Variants in CEP41 observed in about 807,000 individuals in gnomAD.
The protein encoded by CEP41 is centrosomal protein of 41 kDa.
A neutral mutation model predicts 44.3 loss-of-function variants in CEP41; 32 were observed. That is an observed-to-expected ratio of 0.72 (90% CI 0.54 to 0.97). The LOEUF is 0.97. Ranked by LOEUF, CEP41 falls within the 50% of genes least tolerant of loss-of-function variation. The probability of loss-of-function intolerance (pLI) is 0.00; values close to 1 mark genes in which losing one functional copy is unlikely to be tolerated. For missense variants in CEP41, 432 were observed against 455.2 expected, an observed-to-expected ratio of 0.95 and a Z score of 0.46; for synonymous variants, 151 against 168.5, an observed-to-expected ratio of 0.90 and a Z score of 0.80.
chr7:130,421,717 T>C, intron 2 of CEP41: 1 of 1,168,568 alleles, frequency 8.6e-7, no homozygotes, highest in Non-Finnish European at 1.1e-6. Context: ...CTACAGAATT[T>C]CAGAAAGCTA....
intron 5 of CEP41, among the ~76,000 whole-genome samples, chr7:130,410,029 C>CTTTTTTTTTTTTTCT (rs1562983289): frequency 1.4e-5 from 2 of 139,924 alleles, no homozygotes; most frequent in East Asian, 2.1e-4. Context: ...CCTCGGTCTT[C>CTTTTTTTTTTTTTCT]TTTTTTTTTT....
Position 130,407,253 on chromosome 7 carries a change from AACACACACACAC to A in CEP41, c.278-2557_278-2546del, listed in dbSNP as rs60030288. Among the ~76,000 whole-genome samples, 194 of 129,394 alleles carry A rather than the reference AACACACACACAC, an allele frequency of 1.5e-3. 1 individual carries two copies. The highest frequency in any genetic ancestry group is 4.9e-3 in the African/African-American group (174 of 35,256). 84.9% of individuals were successfully genotyped at this position (129,394 alleles called of 152,430 possible). A position where few individuals can be genotyped will look rare whatever the true frequency, so the allele number is the denominator to read the frequency against. On this transcript the variant is annotated intron_variant, in intron 5 of 10. Coordinates refer to ENST00000223208, the MANE Select transcript of CEP41 (RefSeq NM_018718.3). ...AAGGATTTAAAAAATAACAAGAGTA[AACACACACACAC>A]ACACACACACACACACACACACACA...
chr7:130,411,969 T>C, intron 4 of CEP41: 1 of 524,186 alleles, frequency 1.9e-6, no homozygotes, highest in Non-Finnish European at 3.4e-6. Context: ...ATTTACTTTA[T>C]AGAATTCTTA....
intron 1 of CEP41, among the ~76,000 whole-genome samples, chr7:130,428,860 G>A (rs1417346172): frequency 1.3e-5 from 2 of 151,728 alleles, no homozygotes; most frequent in Non-Finnish European, 2.9e-5. Flanking sequence ...GCGGTGAGCG[G>A]AGATCGTGCC....
chr7:130,432,837 G>A (rs965773730), intron 1 of CEP41, among the ~76,000 whole-genome samples: 6 of 152,144 alleles, frequency 3.9e-5, no homozygotes, highest in Admixed American at 2.6e-4. Flanking sequence ...ACCTGGGCTA[G>A]AAAAAAACAA....
intron 1 of CEP41, among the ~76,000 whole-genome samples, chr7:130,436,537 A>G (rs1481207300): frequency 6.6e-6 from 1 of 152,222 alleles, no homozygotes; most frequent in Non-Finnish European, 1.5e-5. Flanking sequence ...AGAACTATAC[A>G]TACATTGTGC....
intron 1 of CEP41, among the ~76,000 whole-genome samples, chr7:130,431,000 C>T (rs1797806691): frequency 6.6e-6 from 1 of 152,072 alleles, no homozygotes; most frequent in Admixed American, 6.6e-5. Flanking sequence ...TTCCCGCCCC[C>T]GGTTTTTCCT....
rs187634996 is a variant in CEP41, at chr7:130,406,964, A to G, written c.278-2256T>C. Among the ~76,000 whole-genome samples, 111 of 151,834 alleles carry G rather than the reference A, an allele frequency of 7.3e-4. 1 individual carries two copies. The East Asian group carries it at 0.021, about 29-fold the overall frequency. On this transcript the variant is annotated intron_variant, in intron 5 of 10. Coordinates refer to ENST00000223208, the MANE Select transcript of CEP41 (RefSeq NM_018718.3). ...GCACATGTACCCTAGAACTTAAAGTATAATAAAAAAAAGTATATAAAAAAT... is the reference window on the plus strand; with the variant it reads ...GCACATGTACCCTAGAACTTAAAGTGTAATAAAAAAAAGTATATAAAAAAT...
At chr7:130,426,684 T>C (rs1554423604) in intron 2 of CEP41, 1 of 455,906 alleles carries the variant, frequency 2.2e-6, no homozygotes, top group Middle Eastern at 3.3e-4. Context: ...AGGGGTTAGA[T>C]GGGTAGAGAT....
At chr7:130,400,844 T>C in intron 8 of CEP41, 23 bp from the exon 9 acceptor site, 1 of 1,493,642 alleles carries the variant, frequency 6.7e-7, no homozygotes, top group Non-Finnish European at 9.3e-7. Flanking sequence ...TGAGTTAAGG[T>C]TCCAAGGCAC....
chr7:130,424,572 C>T (rs905046526), intron 2 of CEP41, among the ~76,000 whole-genome samples: 2 of 152,076 alleles, frequency 1.3e-5, no homozygotes, highest in South Asian at 4.1e-4. Context: ...ATATGCCCAA[C>T]TGATTTTTGA....
chr7:130,399,271 T>A, intron 10 of CEP41: 1 of 564,902 alleles, frequency 1.8e-6, no homozygotes, highest in Non-Finnish European at 3.2e-6. Context: ...TTTTTTCCCT[T>A]CCTCTCCAAC....
chr7:130,433,542 G>A (rs1308251847), intron 1 of CEP41, among the ~76,000 whole-genome samples: 4 of 152,152 alleles, frequency 2.6e-5, no homozygotes, highest in African/African-American at 9.7e-5. Flanking sequence ...GAAAGTTCCT[G>A]TTTGTGGTAT....
intron 10 of CEP41, chr7:130,399,810 ACT>A (rs1414318579): frequency 1.3e-5 from 5 of 392,798 alleles, no homozygotes; most frequent in East Asian, 4.8e-5. Context: ...ACAGAGCAAG[ACT>A]CTGTCTCAAA....
Position 130,397,607 on chromosome 7 carries a change from T to C in CEP41, c.*1284A>G, listed in dbSNP as rs376297063. 1.7e-4 allele frequency: 75 copies of C among 448,814 alleles called. No individual in the cohort carries two copies. In the East Asian group the frequency reaches 2.1e-3, roughly 13 times the overall value. The allele number at this position is 448,814 out of a possible 1,614,324, so 27.8% of individuals were successfully genotyped here. Reference sequence around the variant, plus strand: ...TACCAGCAGGACAGGCAATTTTCAGTGGGCTTTTCAGAAGCTGGTTGCCAT... The same window carrying C: ...TACCAGCAGGACAGGCAATTTTCAGCGGGCTTTTCAGAAGCTGGTTGCCAT... On this transcript the variant is annotated 3_prime_UTR_variant, in exon 11 of 11. Coordinates refer to ENST00000223208, the MANE Select transcript of CEP41 (RefSeq NM_018718.3).
In CEP41 at chr7:130,398,081, C is replaced by T. The variant is rs1355127399; in HGVS notation, c.*810G>A. The T allele has an allele frequency of 1.1e-5, 5 of 453,912 alleles. No individual in the cohort carries two copies. The highest frequency in any genetic ancestry group is 4.7e-5 in the South Asian group (3 of 64,468). The allele number at this position is 453,912 out of a possible 1,614,324, so 28.1% of individuals were successfully genotyped here. ...GGATGGACTGAAGCTGGGCAATGGG[C>T]GTCATAACTGATATACTGACCACAA... On this transcript the variant is annotated 3_prime_UTR_variant, in exon 11 of 11. Transcript: ENST00000223208.
intron 7 of CEP41, 119 bp downstream of exon 7, chr7:130,402,529 C>G (rs978878320): frequency 1.4e-5 from 15 of 1,091,468 alleles, no homozygotes; most frequent in Admixed American, 5.2e-5. Context: ...CATAATGGAT[C>G]CAGCTAACAT....
chr7:130,422,001 C>T, intron 2 of CEP41: 1 of 1,535,958 alleles, frequency 6.5e-7, no homozygotes, highest in Non-Finnish European at 8.7e-7. Context: ...AAGATACACA[C>T]AGGCACCTAT....
upstream of CEP41, chr7:130,441,323 A>G (rs1584917505): frequency 2.2e-6 from 1 of 446,016 alleles, no homozygotes; most frequent in Non-Finnish European, 4.2e-6. Context: ...GAGCCGGGAC[A>G]AAACACGAGT....
Sources: gnomAD v4.1 joint callset for allele counts (sites outside exome capture counted in the v4.1 genomes callset) on GRCh38, gnomAD v4.1.1 for gene constraint, MANE v1.5 for transcripts, NCBI Gene and HGNC (gene_info 2026-07-23, HGNC 2026-07-21) for gene names.